Variants in RPS6KA5 observed in about 807,000 individuals in gnomAD.
RPS6KA5 encodes the protein ribosomal protein S6 kinase A5, also known as ribosomal protein S6 kinase alpha-5.
RPS6KA5 carries 27 observed loss-of-function variants against 85.5 expected under a neutral mutation model. The ratio of observed to expected loss-of-function variants is 0.32; its 90% CI spans 0.23 to 0.44. RPS6KA5 has a LOEUF of 0.44. Ranked by LOEUF, RPS6KA5 falls within the 20% of genes least tolerant of loss-of-function variation. The probability of loss-of-function intolerance (pLI) is 1.00; values close to 1 mark genes in which losing one functional copy is unlikely to be tolerated. For synonymous variants in RPS6KA5, 334 were observed against 348.2 expected (o/e 0.96, Z 0.46); for missense variants, 811 against 980.9 (o/e 0.83, Z 2.31).
At chr14:90,942,945 A>C (rs982796769) in intron 5 of RPS6KA5, 133 bp downstream of exon 5, 6 of 654,754 alleles carry the variant, frequency 9.2e-6, no homozygotes, top group Non-Finnish European at 1.6e-5. Flanking sequence ...AAATCTCTAC[A>C]TTTTCCATGG....
chr14:90,900,778 G>A, intron 9 of RPS6KA5, 42 bp from the exon 10 acceptor site: 1 of 1,556,668 alleles, frequency 6.4e-7, no homozygotes, highest in Non-Finnish European at 8.7e-7. Flanking sequence ...ACAACTTGCA[G>A]TTTTCCAGTT....
At chr14:90,932,375 A>G (rs1327598603) in intron 5 of RPS6KA5, among the ~76,000 whole-genome samples, 1 of 152,090 alleles carries the variant, frequency 6.6e-6, no homozygotes, top group Non-Finnish European at 1.5e-5. Context: ...CCTGGGCTCA[A>G]GTGATCCTCC....
chr14:90,912,408 G>A (rs191266818), intron 7 of RPS6KA5, among the ~76,000 whole-genome samples: 148 of 152,306 alleles, frequency 9.7e-4, no homozygotes, highest in Admixed American at 4.4e-3. Flanking sequence ...ACAGCATGGA[G>A]TAACTTTCCA....
At chr14:91,057,594 T>C (rs1156643142) in intron 1 of RPS6KA5, among the ~76,000 whole-genome samples, 4 of 152,218 alleles carry the variant, frequency 2.6e-5, no homozygotes, top group African/African-American at 9.6e-5. Context: ...TATGGCGAAT[T>C]TACACTCTAC....
chr14:91,019,715 G>C (rs566980312), intron 1 of RPS6KA5, among the ~76,000 whole-genome samples: 2 of 152,298 alleles, frequency 1.3e-5, no homozygotes, highest in South Asian at 4.1e-4. Context: ...ATGCTTGGCA[G>C]TAGCGGTAAG....
intron 4 of RPS6KA5, among the ~76,000 whole-genome samples, chr14:90,943,696 C>A (rs549981011): frequency 1.6e-4 from 24 of 152,254 alleles, no homozygotes; most frequent in African/African-American, 5.5e-4. Flanking sequence ...TACTCTAACT[C>A]TTTTTTTCAC....
At chr14:90,918,248 C>T (rs7149527) in intron 7 of RPS6KA5, among the ~76,000 whole-genome samples, 5,160 of 152,196 alleles carry the variant, frequency 0.034, 295 homozygotes, top group African/African-American at 0.12. Flanking sequence ...AGTGGTATTT[C>T]ATTGATGTTT....
chr14:91,039,064 A>C (rs1447825629), intron 1 of RPS6KA5, among the ~76,000 whole-genome samples: 1 of 152,178 alleles, frequency 6.6e-6, no homozygotes, highest in East Asian at 1.9e-4. Context: ...CCAAATCCTT[A>C]TTGATTTCCA....
intron 1 of RPS6KA5, among the ~76,000 whole-genome samples, chr14:91,030,746 G>A (rs1467828441): frequency 6.8e-6 from 1 of 147,734 alleles, no homozygotes; most frequent in African/African-American, 2.5e-5. Flanking sequence ...AATAGAAAAA[G>A]AGAGCAATTA....
intron 3 of RPS6KA5, 147 bp from the exon 4 acceptor site, chr14:90,947,697 G>A (rs2037945703): frequency 1.9e-6 from 1 of 518,308 alleles, no homozygotes; most frequent in East Asian, 3.1e-5. Context: ...TGTAGATAGA[G>A]TTCTAGATTC....
intron 7 of RPS6KA5, among the ~76,000 whole-genome samples, chr14:90,908,039 C>T (rs2035605887): frequency 6.6e-6 from 1 of 152,170 alleles, no homozygotes; most frequent in Non-Finnish European, 1.5e-5. Context: ...TGACTCTGCA[C>T]CATCTTATTA....
At chr14:90,874,327 G>A (rs1214370256) in intron 15 of RPS6KA5, among the ~76,000 whole-genome samples, 2 of 152,210 alleles carry the variant, frequency 1.3e-5, no homozygotes, top group Admixed American at 6.5e-5. Flanking sequence ...TGTAGCCTAG[G>A]GAGTGAGGGC....
intron 3 of RPS6KA5, among the ~76,000 whole-genome samples, chr14:90,968,399 T>C (rs1405135868): frequency 1.3e-5 from 2 of 152,346 alleles, no homozygotes; most frequent in South Asian, 2.1e-4. Context: ...AGCTGATTAG[T>C]GGTCTTAATT....
chr14:90,859,933 G>A lies in RPS6KA5; in HGVS notation c.*12141C>T, dbSNP rs929238339. 2.0e-5 allele frequency: 3 copies of A among 151,482 alleles called. No homozygotes were observed. The highest frequency in any genetic ancestry group is 7.3e-5 in the African/African-American group (3 of 41,134). 9.4% of individuals were successfully genotyped at this position (151,482 alleles called of 1,614,324 possible). A position where few individuals can be genotyped will look rare whatever the true frequency, so the allele number is the denominator to read the frequency against. Reference sequence around the variant, plus strand: ...CAATGAGAACACATGGAAACAGGGAGGGGAACATCACACGCTGGGGCCTGT... The same window carrying A: ...CAATGAGAACACATGGAAACAGGGAAGGGAACATCACACGCTGGGGCCTGT... On this transcript the variant is annotated 3_prime_UTR_variant, in exon 17 of 17. Coordinates refer to ENST00000614987, the MANE Select transcript of RPS6KA5 (RefSeq NM_004755.4).
chr14:91,045,927 T>C (rs2042853730), intron 1 of RPS6KA5, among the ~76,000 whole-genome samples: 1 of 152,156 alleles, frequency 6.6e-6, no homozygotes, highest in Non-Finnish European at 1.5e-5. Flanking sequence ...GTAACTCCAG[T>C]GTGCCAAGCC....
intron 13 of RPS6KA5, among the ~76,000 whole-genome samples, chr14:90,892,321 G>C (rs2034608819): frequency 6.6e-6 from 1 of 152,092 alleles, no homozygotes; most frequent in South Asian, 2.1e-4. Flanking sequence ...TCTTAAAGCA[G>C]AAGAAGTGAG....
intron 12 of RPS6KA5, 79 bp downstream of exon 12, chr14:90,899,250 A>G: frequency 1.0e-6 from 1 of 991,788 alleles, no homozygotes; most frequent in Non-Finnish European, 1.5e-6. Flanking sequence ...ACCCAGCAGC[A>G]CCAACAAAAC....
At chr14:90,927,814 G>C (rs561125566) in intron 5 of RPS6KA5, among the ~76,000 whole-genome samples, 100 of 152,018 alleles carry the variant, frequency 6.6e-4, no homozygotes, top group African/African-American at 2.3e-3. Context: ...AAAAATATTA[G>C]TAAAGATATT....
At chr14:90,885,249 T>C (rs1444167613) in intron 14 of RPS6KA5, among the ~76,000 whole-genome samples, 2 of 130,752 alleles carry the variant, frequency 1.5e-5, no homozygotes, top group African/African-American at 5.9e-5. Flanking sequence ...CAGGATCTTG[T>C]CTCAAAAAAA....
Sources: allele counts gnomAD v4.1 joint callset (sites outside exome capture counted in the v4.1 genomes callset), GRCh38; gene constraint gnomAD v4.1.1; transcripts MANE v1.5; gene names NCBI Gene and HGNC (gene_info 2026-07-23, HGNC 2026-07-21).